BAIAP2: variants seen among roughly 807,000 people sequenced by gnomAD.
BAIAP2 encodes BAR/IMD domain-containing adapter protein 2.
In BAIAP2, 18 loss-of-function variants were observed where a neutral mutation model predicts 63.0. The observed-to-expected ratio is 0.29, with a 90% CI of 0.20 to 0.42. The LOEUF (loss-of-function observed/expected upper bound fraction) is 0.42, where lower values mean the gene tolerates loss of function less well. Ranked by LOEUF, BAIAP2 falls within the 10% of genes least tolerant of loss-of-function variation. The probability of loss-of-function intolerance (pLI) is 1.00; values close to 1 mark genes in which losing one functional copy is unlikely to be tolerated. For synonymous variants in BAIAP2, 386 were observed against 307.6 expected (o/e 1.25, Z -2.67); for missense variants, 610 against 734.3 (o/e 0.83, Z 1.96).
rs757871738 is a variant in BAIAP2 at position 81,057,966 on chromosome 17, C to T, written c.216C>T (p.Leu72=). ...LASESQGSKE[L]GDVLFQMAEV... ...GCGAGAGCCAGGGCTCCAAAGAACTCGGTGAGACCCCCCCCCCCCCCCCGC... is the reference window on the plus strand; with the variant it reads ...GCGAGAGCCAGGGCTCCAAAGAACTTGGTGAGACCCCCCCCCCCCCCCCGC... Residue 72 remains leucine, a splice_region_variant and synonymous_variant, in exon 3 of 14, where the codon CTC becomes CTT. Coordinates refer to ENST00000428708, the MANE Select transcript of BAIAP2 (RefSeq NM_001144888.2). 31 of 1,198,042 alleles carry T rather than the reference C, an allele frequency of 2.6e-5. No homozygotes were observed. Among genetic ancestry groups the T allele is most frequent in the African/African-American group, 3.6e-5 (2 of 54,882 alleles). 74.2% of individuals were successfully genotyped at this position (1,198,042 alleles called of 1,614,324 possible). A position where few individuals can be genotyped will look rare whatever the true frequency, so the allele number is the denominator to read the frequency against.
chr17:81,109,052 G>C, intron 13 of BAIAP2: 1 of 1,519,174 alleles, frequency 6.6e-7, no homozygotes, highest in Non-Finnish European at 8.9e-7. Flanking sequence ...CCTTCCCCCT[G>C]GTCTCGTCCG....
At chr17:81,107,071 C>G (rs1406642311) in intron 12 of BAIAP2, 164 bp downstream of exon 12, 12 of 838,386 alleles carry the variant, frequency 1.4e-5, no homozygotes, top group Non-Finnish European at 2.1e-5. Context: ...TGTACACACC[C>G]CTGCTTCGGC....
Position 81,052,502 on chromosome 17 carries a change from G to A in BAIAP2, c.55-1166G>A, listed in dbSNP as rs544298044. Among the ~76,000 whole-genome samples, 591 of 152,364 alleles carry A rather than the reference G, an allele frequency of 3.9e-3. 4 individuals carry two copies. Among genetic ancestry groups the A allele is most frequent in the Non-Finnish European group, 4.6e-3 (314 of 68,036 alleles). On this transcript the variant is annotated intron_variant, in intron 1 of 13. Coordinates refer to ENST00000428708, the MANE Select transcript of BAIAP2 (RefSeq NM_001144888.2). ...CGGAGGGTCCAGTATAGGCAGGACT[G>A]AGGTGTACCCGGCCTGCTGTGAGCC...
At chr17:81,093,277 C>T (rs1268328881) in intron 6 of BAIAP2, among the ~76,000 whole-genome samples, 1 of 152,156 alleles carries the variant, frequency 6.6e-6, no homozygotes, top group African/African-American at 2.4e-5. Context: ...GGCCCTGGGA[C>T]GACCCTGCTC....
At position 81,035,163 on chromosome 17, in the gene BAIAP2, C is replaced by G; in HGVS notation, c.-92C>G. 9.1e-7 allele frequency: 1 copy of G among 1,095,182 alleles called. No individual in the cohort carries two copies. The highest frequency in any genetic ancestry group is 1.2e-6 in the Non-Finnish European group (1 of 804,038). 67.8% of individuals were successfully genotyped at this position (1,095,182 alleles called of 1,614,324 possible). On this transcript the variant is annotated 5_prime_UTR_variant, in exon 1 of 14. Transcript: ENST00000428708. ...GACGCCGGGCTCTGTGGTTCGGGTC[C>G]GCTTTCGTCTCCGTCCTGCTGCCGT...
At position 81,116,237 on chromosome 17, in the gene BAIAP2, C is replaced by T; in HGVS notation, c.*398C>T. ...AGGCTTCTCCTGCACCAGGTGTGAT[C>T]TGTCCGCCCAAGGGCCAGAAGGCCG... On this transcript the variant is annotated 3_prime_UTR_variant, in exon 14 of 14. Transcript: ENST00000428708. The T allele has an allele frequency of 6.2e-7, 1 of 1,612,756 alleles. No individual in the cohort carries two copies. The highest frequency in any genetic ancestry group is 2.2e-5 in the East Asian group (1 of 44,890).
chr17:81,078,575 G>A lies in BAIAP2; in HGVS notation c.218-6257G>A, dbSNP rs369086912. Among the ~76,000 whole-genome samples, 7 of 145,370 alleles carry A rather than the reference G, an allele frequency of 4.8e-5. No individual in the cohort carries two copies. The South Asian group carries it at 9.1e-4, about 19-fold the overall frequency. On this transcript the variant is annotated intron_variant, in intron 3 of 13. Coordinates refer to ENST00000428708, the MANE Select transcript of BAIAP2 (RefSeq NM_001144888.2). ...CGCTGTGGGTGCAGGTGCCATCTCC[G>A]AGCTGGGTGCTGTGGGTGCGGGTGC...
chr17:81,097,135 G>A (rs1390091146), intron 6 of BAIAP2, among the ~76,000 whole-genome samples: 1 of 152,208 alleles, frequency 6.6e-6, no homozygotes, highest in Non-Finnish European at 1.5e-5. Flanking sequence ...TCCCCTTTAG[G>A]TGACCCTGTG....
intron 1 of BAIAP2, among the ~76,000 whole-genome samples, chr17:81,043,378 A>G (rs948661014): frequency 6.6e-6 from 1 of 152,042 alleles, no homozygotes; most frequent in East Asian, 1.9e-4. Flanking sequence ...ATCAGCCTCC[A>G]CCTGTCCTGC....
intron 1 of BAIAP2, among the ~76,000 whole-genome samples, chr17:81,042,526 T>C (rs1189366630): frequency 2.0e-5 from 3 of 151,888 alleles, no homozygotes; most frequent in African/African-American, 7.3e-5. Flanking sequence ...TCCTTATGTG[T>C]TTTGTACACT....
chr17:81,100,698 C>A (rs997203350), intron 7 of BAIAP2, among the ~76,000 whole-genome samples: 1 of 152,162 alleles, frequency 6.6e-6, no homozygotes, highest in Non-Finnish European at 1.5e-5. Flanking sequence ...CGTGGACCTG[C>A]CACCCCTCAC....
intron 1 of BAIAP2, among the ~76,000 whole-genome samples, chr17:81,049,121 G>A (rs951239591): frequency 3.9e-5 from 6 of 152,248 alleles, no homozygotes; most frequent in African/African-American, 1.4e-4. Flanking sequence ...GTGGTCGCCG[G>A]GGGCACAGCA....
chr17:81,060,576 C>A (rs1198400225), intron 3 of BAIAP2, among the ~76,000 whole-genome samples: 1 of 152,208 alleles, frequency 6.6e-6, no homozygotes, highest in Non-Finnish European at 1.5e-5. Flanking sequence ...AGACCCATTT[C>A]ATTTATCTGG....
intron 13 of BAIAP2, chr17:81,109,332 C>G: frequency 8.6e-7 from 1 of 1,165,212 alleles, no homozygotes; most frequent in Non-Finnish European, 1.1e-6. Flanking sequence ...CTAAGGCTCG[C>G]CGTGAGCCAG....
intron 1 of BAIAP2, 82 bp downstream of exon 1, chr17:81,035,390 G>C (rs1167729001): frequency 3.5e-6 from 3 of 860,228 alleles, no homozygotes; most frequent in Non-Finnish European, 4.2e-6. Context: ...GCCCGACCAG[G>C]GCGGCCCCGG....
At chr17:81,081,456 C>T (rs1455755070) in intron 3 of BAIAP2, among the ~76,000 whole-genome samples, 2 of 152,166 alleles carry the variant, frequency 1.3e-5, no homozygotes, top group African/African-American at 2.4e-5. Flanking sequence ...GGAGGGGCCA[C>T]GTGGCTGTGG....
At chr17:81,063,049 G>T (rs867332584) in intron 3 of BAIAP2, among the ~76,000 whole-genome samples, 1 of 152,096 alleles carries the variant, frequency 6.6e-6, no homozygotes, top group African/African-American at 2.4e-5. Flanking sequence ...ATTGAGAGTG[G>T]TGTGCAGCCT....
chr17:81,111,773 G>T (rs1413347271), intron 13 of BAIAP2, among the ~76,000 whole-genome samples: 1 of 152,208 alleles, frequency 6.6e-6, no homozygotes, highest in Non-Finnish European at 1.5e-5. Context: ...GGGGGCCCTT[G>T]CCCACACCTT....
chr17:81,083,416 C>G (rs1029559937), intron 3 of BAIAP2: 4 of 152,242 alleles, frequency 2.6e-5, no homozygotes, highest in African/African-American at 9.7e-5. Flanking sequence ...TGGTCAGTGC[C>G]TGGCACTGGA....
Sources: gnomAD v4.1 joint callset for allele counts (sites outside exome capture counted in the v4.1 genomes callset) on GRCh38, gnomAD v4.1.1 for gene constraint, MANE v1.5 for transcripts, NCBI Gene and HGNC (gene_info 2026-07-23, HGNC 2026-07-21) for gene names.